AGBL5: variants seen among roughly 807,000 people sequenced by gnomAD.
AGBL5 encodes the protein cytosolic carboxypeptidase-like protein 5.
AGBL5 carries 51 observed loss-of-function variants against 88.0 expected under a neutral mutation model. The observed-to-expected ratio is 0.58, with a 90% confidence interval of 0.46 to 0.73. AGBL5 has a LOEUF of 0.73. AGBL5 is among the 30% of genes least tolerant of loss of function. The pLI, the probability that AGBL5 is intolerant of heterozygous loss-of-function variation, is 0.00. For synonymous variants in AGBL5, 446 were observed against 438.8 expected, an observed-to-expected ratio of 1.02 and a Z score of -0.21; for missense variants, 1,031 against 1,162.2, an observed-to-expected ratio of 0.89 and a Z score of 1.64.
chr2:27,058,134 C>G (rs1668531999), intron 9 of AGBL5, among the ~76,000 whole-genome samples: 2 of 152,044 alleles, frequency 1.3e-5, no homozygotes, highest in Non-Finnish European at 2.9e-5. Flanking sequence ...CCCTTTCCTG[C>G]TAGGAGAATT....
At chr2:27,070,028 G>A (rs1246139553) in intron 14 of AGBL5, 64 bp from the exon 15 acceptor site, 10 of 1,555,760 alleles carry the variant, frequency 6.4e-6, no homozygotes, top group Non-Finnish European at 8.7e-6. Flanking sequence ...CCAGCCCCTG[G>A]TTAGCAGAAC....
intron 12 of AGBL5, among the ~76,000 whole-genome samples, chr2:27,068,173 C>T (rs1245392433): frequency 1.3e-5 from 2 of 152,214 alleles, no homozygotes; most frequent in African/African-American, 4.8e-5. Flanking sequence ...CCCCTACTCC[C>T]AACCTGTCAA....
At chr2:27,052,115 A>G (rs776003998) in intron 1 of AGBL5, 1 of 152,280 alleles carries the variant, frequency 6.6e-6, no homozygotes, top group Non-Finnish European at 1.5e-5. Context: ...CCTTCCCCCG[A>G]GTGGGACTCT....
Position 27,070,259 on chromosome 2 carries a change from T to G in AGBL5, c.2657T>G (p.Val886Gly). The change falls in exon 15 of 15, where the codon GTC becomes GGC. Residue 886 changes from valine to glycine, a missense_variant. Physicochemically the swap from Val to Gly is moderately radical, Grantham distance 109. Transcript: ENST00000360131. ...CCCCCACTGACTGTTTCTCCCCGGG[T>G]CTGATAATGCCTTTATGTTCAAGCC... ...KSPPLTVSPR[V>G] 2 of 1,614,086 alleles carry G rather than the reference T, an allele frequency of 1.2e-6. No individual in the cohort carries two copies. Among genetic ancestry groups the G allele is most frequent in the Non-Finnish European group, 1.7e-6 (2 of 1,179,962 alleles).
chr2:27,059,506 G>T, intron 11 of AGBL5, 102 bp downstream of exon 11: 1 of 1,558,902 alleles, frequency 6.4e-7, no homozygotes, highest in Non-Finnish European at 8.7e-7. Context: ...GGACCAAGGG[G>T]TGAATCAATA....
At chr2:27,058,668 TC>T (rs757916270) in intron 10 of AGBL5, 66 bp downstream of exon 10, 29 of 1,538,102 alleles carry the variant, frequency 1.9e-5, no homozygotes, top group African/African-American at 2.7e-5. Context: ...AGCTAGGAGT[TC>T]CAAGGGATTT....
In AGBL5 at chr2:27,070,130, C is replaced by G. The variant is rs1329974181; in HGVS notation, c.2528C>G (p.Pro843Arg). ...AGGCCCCCACGGCCCCGCTCTGCCCCTGCCTTTTCTCCTATATCCTGTAGT... is the reference window on the plus strand; with the variant it reads ...AGGCCCCCACGGCCCCGCTCTGCCCGTGCCTTTTCTCCTATATCCTGTAGT... ...QARPPRPRSA[P>R]AFSPISCSLS... Residue 843 changes from proline to arginine, a missense_variant, in exon 15 of 15, where the codon CCT becomes CGT. Physicochemically the swap from Pro to Arg is moderately radical, Grantham distance 103. Transcript: ENST00000360131. The G allele has an allele frequency of 4.3e-6, 7 of 1,614,094 alleles. No individual in the cohort carries two copies. The highest frequency in any genetic ancestry group is 5.9e-6 in the Non-Finnish European group (7 of 1,180,014).
At position 27,051,772 on chromosome 2, in the gene AGBL5, G is replaced by A. The variant is rs1223917962; in HGVS notation, c.-68G>A. 1.3e-5 allele frequency: 2 copies of A among 152,346 alleles called. No individual in the cohort carries two copies. Among genetic ancestry groups the A allele is most frequent in the Admixed American group, 1.3e-4 (2 of 15,286 alleles). The allele number at this position is 152,346 out of a possible 1,614,324, so 9.4% of individuals were successfully genotyped here. On this transcript the variant is annotated 5_prime_UTR_variant, in exon 1 of 15. Transcript: ENST00000360131. ...CGGCCTCGCTAGCGGGAGAGGGAGC[G>A]GGATCACCGGCCCGGAGAGAGGTGA...
At chr2:27,068,275 T>G (rs1031725803) in intron 12 of AGBL5, among the ~76,000 whole-genome samples, 2 of 152,186 alleles carry the variant, frequency 1.3e-5, no homozygotes, top group African/African-American at 4.8e-5. Context: ...CAGTATAAAC[T>G]GACACAGGAG....
Position 27,053,254 on chromosome 2 carries a change from A to G in AGBL5, c.215+81A>G. ...CCCTCTGACTTATCTGTTCATACCC[A>G]GCATACTCCCTGTCCATTTCTGACC... On this transcript the variant is annotated intron_variant, in intron 2 of 14. Coordinates refer to ENST00000360131, the MANE Select transcript of AGBL5 (RefSeq NM_021831.6). The surrounding 1 kb of genome is among the most constrained non-coding windows in gnomAD (Gnocchi z 4.9). 1 of 1,519,840 alleles carries G rather than the reference A, an allele frequency of 6.6e-7. No homozygotes were observed. The highest frequency in any genetic ancestry group is 8.9e-7 in the Non-Finnish European group (1 of 1,122,680). 94.1% of individuals were successfully genotyped at this position (1,519,840 alleles called of 1,614,324 possible).
chr2:27,054,464 T>C (rs1668328920), intron 4 of AGBL5, among the ~76,000 whole-genome samples, 166 bp from the exon 5 acceptor site: 1 of 152,186 alleles, frequency 6.6e-6, no homozygotes. Flanking sequence ...ATTCTGGCAA[T>C]GTAAACCCAC....
rs755030121 is a variant in AGBL5 at position 27,056,686 on chromosome 2, T to C, written c.1429T>C (p.Cys477Arg). The C allele has an allele frequency of 6.2e-7, 1 of 1,613,610 alleles. No homozygotes were observed. The highest frequency in any genetic ancestry group is 1.3e-5 in the African/African-American group (1 of 74,916). ...LNSAHFDFQGCNFSEKNMYAR... is the reference protein window; with the variant it reads ...LNSAHFDFQGRNFSEKNMYAR... ...TTCAGCCCACTTCGACTTCCAGGGC[T>C]GCAATTTCTCAGAGAAGAATATGTA... Residue 477 changes from cysteine to arginine, a missense_variant, in exon 8 of 15, where the codon TGC becomes CGC. This residue lies in a region of AGBL5 where 540 missense variants were observed against 678.2 expected (regional missense o/e 0.80). Coordinates refer to ENST00000360131, the MANE Select transcript of AGBL5 (RefSeq NM_021831.6).
intron 11 of AGBL5, among the ~76,000 whole-genome samples, chr2:27,060,673 G>A (rs1668670740): frequency 1.3e-5 from 2 of 152,188 alleles, no homozygotes; most frequent in African/African-American, 4.8e-5. Flanking sequence ...AAGCCATGGA[G>A]GAGAGGGCAA....
chr2:27,066,454 A>G (rs1161654929), intron 11 of AGBL5, among the ~76,000 whole-genome samples: 1 of 152,142 alleles, frequency 6.6e-6, no homozygotes, highest in African/African-American at 2.4e-5. Context: ...GGACAATTAG[A>G]GCTGGATTTC....
rs183748586 is a variant in AGBL5, at chr2:27,069,655, G to C, written c.2438G>C (p.Arg813Pro). Residue 813 changes from arginine (R) to proline (P), a missense_variant, in exon 14 of 15, where the codon CGG becomes CCG. Arg to Pro is a moderately radical substitution (Grantham distance 103). This residue lies in a region of AGBL5 where 491 missense variants were observed against 484.0 expected (regional missense o/e 1.01). Transcript: ENST00000360131. ...TCAGGCCCCACATCCCCTACCCCCC[G>C]GACCAGGGAGAGCAGTGAGCTGGAG... Reference protein sequence around the residue: ...GSSGPTSPTPRTRESSELELG... With the variant: ...GSSGPTSPTPPTRESSELELG... 9 of 1,613,958 alleles carry C rather than the reference G, an allele frequency of 5.6e-6. No homozygotes were observed. Among genetic ancestry groups the C allele is most frequent in the African/African-American group, 1.3e-5 (1 of 74,906 alleles).
chr2:27,054,989 C>G, intron 5 of AGBL5, 86 bp from the exon 6 acceptor site: 2 of 1,519,068 alleles, frequency 1.3e-6, no homozygotes, highest in Middle Eastern at 1.9e-4. Context: ...GCGGCTATTC[C>G]TGCCTCATCC....
At chr2:27,059,538 TGTGGCC>T in intron 11 of AGBL5, 134 bp downstream of exon 11, 1 of 1,526,416 alleles carries the variant, frequency 6.6e-7, no homozygotes, top group Non-Finnish European at 8.8e-7. Flanking sequence ...TAGCAGAACC[TGTGGCC>T]TCTCCTACGA....
intron 11 of AGBL5, chr2:27,062,811 C>G (rs1044094780): frequency 6.6e-6 from 1 of 152,252 alleles, no homozygotes; most frequent in African/African-American, 2.4e-5. Flanking sequence ...AGGAACAGAG[C>G]TGGTGGGTGG....
Position 27,054,615 on chromosome 2 carries a change from T to G in AGBL5, c.552-15T>G. 3 of 1,607,632 alleles carry G rather than the reference T, an allele frequency of 1.9e-6. No individual in the cohort carries two copies. The highest frequency in any genetic ancestry group is 2.5e-6 in the Non-Finnish European group (3 of 1,176,738). On this transcript the variant is annotated splice_polypyrimidine_tract_variant and intron_variant, in intron 4 of 14. Coordinates refer to ENST00000360131, the MANE Select transcript of AGBL5 (RefSeq NM_021831.6). ...TTTAGGGACTTCTCCTGGCTTAATT[T>G]TTTTTTCCCTGTAGCCCCCTGGATA...
Sources: gnomAD v4.1 joint callset for allele counts (sites outside exome capture counted in the v4.1 genomes callset) on GRCh38, gnomAD v4.1.1 for gene constraint, gnomAD v4.1.1 regional missense constraint, Gnocchi (gnomAD v3.1) non-coding constraint, MANE v1.5 for transcripts, NCBI Gene and HGNC (gene_info 2026-07-23, HGNC 2026-07-21) for gene names.